Variants in GNG11 observed in about 807,000 individuals in gnomAD.
The protein encoded by GNG11 is G protein subunit gamma 11, also known as guanine nucleotide-binding protein G(I)/G(S)/G(O) subunit gamma-11.
A neutral mutation model predicts 7.4 loss-of-function variants in GNG11; 6 were observed. The observed-to-expected ratio is 0.81, with a 90% CI of 0.44 to 1.60. The LOEUF is 1.60. GNG11 is among the 40% of genes most tolerant of loss of function. GNG11 has a pLI of 0.01. For missense variants in GNG11, 65 were observed against 83.0 expected (o/e 0.78, Z 0.84); for synonymous variants, 31 against 25.9 (o/e 1.20, Z -0.60).
At chr7:93,922,682 A>G (rs1421843642) in intron 1 of GNG11, among the ~76,000 whole-genome samples, 2 of 152,238 alleles carry the variant, frequency 1.3e-5, no homozygotes, top group African/African-American at 4.8e-5. Context: ...AGTGGCCTTC[A>G]GTGATATGCA....
chr7:93,924,120 C>T (rs751245881), intron 1 of GNG11, among the ~76,000 whole-genome samples: 1 of 152,162 alleles, frequency 6.6e-6, no homozygotes, highest in Non-Finnish European at 1.5e-5. Flanking sequence ...TTCTTCTTCT[C>T]ATTCCCAGTC....
At chr7:93,924,954 G>C (rs563939030) in intron 1 of GNG11, among the ~76,000 whole-genome samples, 2 of 152,294 alleles carry the variant, frequency 1.3e-5, no homozygotes, top group South Asian at 4.1e-4. Flanking sequence ...CACGAGGTCA[G>C]GAGATCAAGA....
rs2115941132 is a variant in GNG11 at position 93,928,112 on chromosome 7, T to C, written c.*1896T>C. The C allele has an allele frequency of 6.7e-6, 1 of 149,304 alleles. No homozygotes were observed. Among genetic ancestry groups the C allele is most frequent in the African/African-American group, 2.6e-5 (1 of 38,676 alleles). The allele number at this position is 149,304 out of a possible 1,614,324, so 9.2% of individuals were successfully genotyped here. A position where few individuals can be genotyped will look rare whatever the true frequency, so the allele number is the denominator to read the frequency against. On this transcript the variant is annotated 3_prime_UTR_variant, in exon 2 of 2. Coordinates refer to ENST00000248564, the MANE Select transcript of GNG11 (RefSeq NM_004126.4). ...AAGGCAGTTTAAATCACCTGCTTCTTTCATGAAAGGCCAAGACAATACATT... is the reference window on the plus strand; with the variant it reads ...AAGGCAGTTTAAATCACCTGCTTCTCTCATGAAAGGCCAAGACAATACATT...
intron 1 of GNG11, among the ~76,000 whole-genome samples, chr7:93,924,303 C>T (rs1450097798): frequency 6.6e-6 from 1 of 152,210 alleles, no homozygotes; most frequent in African/African-American, 2.4e-5. Context: ...TTGGAGGTTA[C>T]AGACCTCTTC....
rs113506321 is a variant in GNG11, at chr7:93,922,009, G to A, written c.-129G>A. On this transcript the variant is annotated 5_prime_UTR_variant, in exon 1 of 2. Coordinates refer to ENST00000248564, the MANE Select transcript of GNG11 (RefSeq NM_004126.4). ...CTCGGGGAGCTGGGGACCGCAGCAGGGCTGCAGTCACATCCTGCGCGGGTG... is the reference window on the plus strand; with the variant it reads ...CTCGGGGAGCTGGGGACCGCAGCAGAGCTGCAGTCACATCCTGCGCGGGTG... 20 of 541,786 alleles carry A rather than the reference G, an allele frequency of 3.7e-5. No homozygotes were observed. The highest frequency in any genetic ancestry group is 3.7e-4 in the African/African-American group (19 of 51,566). 33.6% of individuals were successfully genotyped at this position (541,786 alleles called of 1,614,324 possible).
intron 1 of GNG11, 103 bp from the exon 2 acceptor site, chr7:93,925,988 T>C (rs984313074): frequency 4.0e-6 from 2 of 503,760 alleles, no homozygotes; most frequent in African/African-American, 4.0e-5. Flanking sequence ...TAAAAAAATG[T>C]TTAAAAACTT....
In GNG11 at chr7:93,926,424, A is replaced by T. The variant is rs1358928756; in HGVS notation, c.*208A>T. On this transcript the variant is annotated 3_prime_UTR_variant, in exon 2 of 2. Coordinates refer to ENST00000248564, the MANE Select transcript of GNG11 (RefSeq NM_004126.4). ...TTTTTAAGAGAGCAGAGAGTATCAG[A>T]TGTACAATTATGGAAATAAGAACAT... 3.0e-6 allele frequency: 1 copy of T among 335,916 alleles called. No individual in the cohort carries two copies. The highest frequency in any genetic ancestry group is 5.4e-6 in the Non-Finnish European group (1 of 185,854). The allele number at this position is 335,916 out of a possible 1,614,324, so 20.8% of individuals were successfully genotyped here. A position where few individuals can be genotyped will look rare whatever the true frequency, so the allele number is the denominator to read the frequency against.
chr7:93,922,286 T>G (rs925576725), intron 1 of GNG11, 53 bp downstream of exon 1: 1 of 1,053,350 alleles, frequency 9.5e-7, no homozygotes, highest in African/African-American at 1.6e-5. Flanking sequence ...CAGGGTCCGA[T>G]TTTTCCTGCT....
chr7:93,926,210 T>C lies in GNG11; in HGVS notation c.216T>C (p.Ile72=), dbSNP rs1794677499. 1 of 1,572,936 alleles carries C rather than the reference T, an allele frequency of 6.4e-7. No homozygotes were observed. The highest frequency in any genetic ancestry group is 1.4e-5 in the African/African-American group (1 of 72,838). The part of the protein sequence containing the change: ...NPFKEKGSCV[I]S Reference sequence around the variant, plus strand: ...TTAAAGAAAAAGGCAGCTGTGTTATTTCATAAATAACTTGGGAGAAACTGC... The same window carrying C: ...TTAAAGAAAAAGGCAGCTGTGTTATCTCATAAATAACTTGGGAGAAACTGC... The change falls in exon 2 of 2, where the codon ATT becomes ATC. Residue 72 remains isoleucine, a synonymous_variant. Coordinates refer to ENST00000248564, the MANE Select transcript of GNG11 (RefSeq NM_004126.4).
chr7:93,922,719 C>T (rs1317371684), intron 1 of GNG11, among the ~76,000 whole-genome samples: 1 of 152,148 alleles, frequency 6.6e-6, no homozygotes, highest in Non-Finnish European at 1.5e-5. Context: ...AATTTGGGAA[C>T]AAAATATTAG....
chr7:93,927,419 C>T lies in GNG11; in HGVS notation c.*1203C>T, dbSNP rs921562501. ...CTTGAGCATTCTCCCGCTTCTTCTC[C>T]GTCTTTTGGGTCAAAATTGCTCCAA... On this transcript the variant is annotated 3_prime_UTR_variant, in exon 2 of 2. Transcript: ENST00000248564. 10 of 152,146 alleles carry T rather than the reference C, an allele frequency of 6.6e-5. No homozygotes were observed. The highest frequency in any genetic ancestry group is 1.9e-4 in the African/African-American group (8 of 41,426). 9.4% of individuals were successfully genotyped at this position (152,146 alleles called of 1,614,324 possible).
chr7:93,925,875 G>A (rs1794671288), intron 1 of GNG11, among the ~76,000 whole-genome samples: 1 of 151,496 alleles, frequency 6.6e-6, no homozygotes, highest in African/African-American at 2.4e-5. Flanking sequence ...TTGCATCATA[G>A]GTATAGTAAT....
At chr7:93,923,186 A>G (rs1438746191) in intron 1 of GNG11, among the ~76,000 whole-genome samples, 2 of 152,224 alleles carry the variant, frequency 1.3e-5, no homozygotes, top group Non-Finnish European at 2.9e-5. Context: ...ATTAAGAAAA[A>G]CAATGGAAAT....
rs1794695431 is a variant in GNG11, at chr7:93,927,600, A to C, written c.*1384A>C. 6.6e-6 allele frequency: 1 copy of C among 152,170 alleles called. No individual in the cohort carries two copies. The highest frequency in any genetic ancestry group is 1.5e-5 in the Non-Finnish European group (1 of 68,034). 9.4% of individuals were successfully genotyped at this position (152,170 alleles called of 1,614,324 possible). On this transcript the variant is annotated 3_prime_UTR_variant, in exon 2 of 2. Coordinates refer to ENST00000248564, the MANE Select transcript of GNG11 (RefSeq NM_004126.4). ...TTCTCCCACTTACACATGTAGGTAT[A>C]CCTTACTATCAAGCGAGAGAGGCGC...
intron 1 of GNG11, among the ~76,000 whole-genome samples, chr7:93,925,030 G>A (rs572214683): frequency 3.3e-5 from 5 of 152,306 alleles, no homozygotes; most frequent in South Asian, 2.1e-4. Context: ...CAGGCGTGGT[G>A]GTGGGCGCCT....
chr7:93,927,650 A>G lies in GNG11; in HGVS notation c.*1434A>G, dbSNP rs1267879410. On this transcript the variant is annotated 3_prime_UTR_variant, in exon 2 of 2. Transcript: ENST00000248564. ...CCTGTAACCTGTAGCAGCTTTCTAA[A>G]GTATATCAGCATCCTCGTTCTGAAA... 6.6e-6 allele frequency: 1 copy of G among 152,224 alleles called. No homozygotes were observed. Among genetic ancestry groups the G allele is most frequent in the Non-Finnish European group, 1.5e-5 (1 of 68,062 alleles). The allele number at this position is 152,224 out of a possible 1,614,324, so 9.4% of individuals were successfully genotyped here. A position where few individuals can be genotyped will look rare whatever the true frequency, so the allele number is the denominator to read the frequency against.
Position 93,926,117 on chromosome 7 carries a change from G to A in GNG11, c.123G>A (p.Lys41=), listed in dbSNP as rs1356658520. 2.0e-6 allele frequency: 3 copies of A among 1,536,968 alleles called. No homozygotes were observed. Among genetic ancestry groups the A allele is most frequent in the Non-Finnish European group, 2.7e-6 (3 of 1,126,620 alleles). Residue 41 remains lysine (K), a synonymous_variant, in exon 2 of 2, where the codon AAG becomes AAA. Coordinates refer to ENST00000248564, the MANE Select transcript of GNG11 (RefSeq NM_004126.4). ...TGTCTAAATGTTCTGAAGAAATAAA[G>A]AACTATATTGAAGAACGTTCTGGAG... ...QQVSKCSEEI[K]NYIEERSGED...
chr7:93,925,069 C>T (rs1005671063), intron 1 of GNG11, among the ~76,000 whole-genome samples: 4 of 152,172 alleles, frequency 2.6e-5, no homozygotes, highest in African/African-American at 4.8e-5. Context: ...GAGGCTGAGG[C>T]AGGAGAATGG....
Position 93,927,756 on chromosome 7 carries a change from C to T in GNG11, c.*1540C>T, listed in dbSNP as rs987278250. 1 of 152,114 alleles carries T rather than the reference C, an allele frequency of 6.6e-6. No individual in the cohort carries two copies. The allele number at this position is 152,114 out of a possible 1,614,324, so 9.4% of individuals were successfully genotyped here. On this transcript the variant is annotated 3_prime_UTR_variant, in exon 2 of 2. Transcript: ENST00000248564. ...AGTTTACACAGACCAAAAGCAGAAA[C>T]TATTTCCTTCAGTTTCCTGACACTG...
Sources: gnomAD v4.1 joint callset for allele counts (sites outside exome capture counted in the v4.1 genomes callset) on GRCh38, gnomAD v4.1.1 for gene constraint, MANE v1.5 for transcripts, NCBI Gene and HGNC (gene_info 2026-07-23, HGNC 2026-07-21) for gene names.